Variants in GRM8 observed in about 807,000 individuals in gnomAD.
The protein encoded by GRM8 is glutamate metabotropic receptor 8.
Under a neutral mutation model 87.2 loss-of-function variants are expected in GRM8, and 47 were observed. The observed-to-expected ratio is 0.54, with a 90% confidence interval of 0.43 to 0.69. The LOEUF is 0.69. Ranked by LOEUF, GRM8 falls within the 30% of genes least tolerant of loss-of-function variation. The pLI is 0.00. For synonymous variants in GRM8, 396 were observed against 404.5 expected (o/e 0.98, Z 0.25); for missense variants, 1,019 against 1,139.2 (o/e 0.89, Z 1.52).
intron 7 of GRM8, among the ~76,000 whole-genome samples, chr7:126,743,515 C>T (rs942963934): frequency 1.3e-5 from 2 of 152,020 alleles, no homozygotes; most frequent in Admixed American, 6.6e-5. Context: ...AAAGAATATG[C>T]ACCTGGAGCG....
At chr7:126,932,566 C>T (rs1050932895) in intron 3 of GRM8, among the ~76,000 whole-genome samples, 3 of 152,094 alleles carry the variant, frequency 2.0e-5, no homozygotes, top group Non-Finnish European at 4.4e-5. Flanking sequence ...CACTATCTTG[C>T]TAGAGAAAAT....
chr7:126,444,075 A>T (rs1182846793), intron 10 of GRM8, among the ~76,000 whole-genome samples: 4 of 151,868 alleles, frequency 2.6e-5, no homozygotes, highest in African/African-American at 9.7e-5. Flanking sequence ...ATTGCTGCTA[A>T]AAAAGAAAAA....
chr7:126,704,939 A>G (rs1357201665), intron 7 of GRM8, among the ~76,000 whole-genome samples: 1 of 151,960 alleles, frequency 6.6e-6, no homozygotes, highest in Admixed American at 6.6e-5. Context: ...GAAGTACGTG[A>G]TCTCTGTGAC....
chr7:127,089,087 C>T (rs1021991495), intron 3 of GRM8, among the ~76,000 whole-genome samples: 1 of 152,192 alleles, frequency 6.6e-6, no homozygotes, highest in African/African-American at 2.4e-5. Context: ...GCAAACATAA[C>T]TGCAGTAGGG....
At chr7:126,714,136 G>A (rs144642683) in intron 7 of GRM8, among the ~76,000 whole-genome samples, 2,738 of 151,116 alleles carry the variant, frequency 0.018, 72 homozygotes, top group African/African-American at 0.063. Flanking sequence ...AAATTAGCTG[G>A]GTGTGGTGAT....
intron 9 of GRM8, among the ~76,000 whole-genome samples, chr7:126,483,646 C>T (rs1806993416): frequency 6.6e-6 from 1 of 151,264 alleles, no homozygotes; most frequent in Non-Finnish European, 1.5e-5. Context: ...TTCCAAAACA[C>T]TTATAACTAG....
At chr7:126,683,873 G>C (rs1585508950) in intron 7 of GRM8, among the ~76,000 whole-genome samples, 2 of 152,278 alleles carry the variant, frequency 1.3e-5, no homozygotes, top group African/African-American at 4.8e-5. Context: ...AGGAGAGAAT[G>C]AATTTGGACT....
chr7:126,976,881 G>C (rs1045002541), intron 3 of GRM8, among the ~76,000 whole-genome samples: 1 of 147,006 alleles, frequency 6.8e-6, no homozygotes, highest in Non-Finnish European at 1.5e-5. Flanking sequence ...ATGACAGGGG[G>C]TTGGGGTTTT....
At chr7:127,077,579 A>G (rs1822413877) in intron 3 of GRM8, among the ~76,000 whole-genome samples, 1 of 152,184 alleles carries the variant, frequency 6.6e-6, no homozygotes, top group Admixed American at 6.5e-5. Flanking sequence ...AAAACAAAAT[A>G]AAAACCACCC....
chr7:127,084,223 T>C (rs546233485), intron 3 of GRM8: 1 of 152,334 alleles, frequency 6.6e-6, no homozygotes, highest in Non-Finnish European at 1.5e-5. Context: ...TCTCAACCTC[T>C]AAACAGAGTT....
chr7:127,060,723 T>C (rs1312338552), intron 3 of GRM8, among the ~76,000 whole-genome samples: 1 of 152,128 alleles, frequency 6.6e-6, no homozygotes. Context: ...AATAGCAACA[T>C]GAGAAATTCC....
chr7:126,600,892 G>A (rs1797673661), intron 8 of GRM8, among the ~76,000 whole-genome samples: 2 of 151,918 alleles, frequency 1.3e-5, no homozygotes, highest in Non-Finnish European at 2.9e-5. Flanking sequence ...ACAGAACAAA[G>A]TATTTTCATA....
chr7:126,713,479 A>G (rs1188350326), intron 7 of GRM8, among the ~76,000 whole-genome samples: 1 of 152,140 alleles, frequency 6.6e-6, no homozygotes, highest in Non-Finnish European at 1.5e-5. Context: ...GAGCATTAGG[A>G]CAAACACCTA....
chr7:126,768,394 C>CA (rs1818448793), intron 7 of GRM8, among the ~76,000 whole-genome samples: 1 of 106,318 alleles, frequency 9.4e-6, no homozygotes, highest in African/African-American at 3.6e-5. Context: ...GGACAGAACT[C>CA]AAAGATTATT....
At chr7:126,891,930 C>A (rs972971667) in intron 6 of GRM8, among the ~76,000 whole-genome samples, 1 of 147,476 alleles carries the variant, frequency 6.8e-6, no homozygotes, top group African/African-American at 2.5e-5. Context: ...TTTAAGGAAG[C>A]CTATTTGTGC....
At position 127,156,633 on chromosome 7, in the gene GRM8, T is replaced by A. The variant is rs571178208; in HGVS notation, c.511-49921A>T. Among the ~76,000 whole-genome samples, 94 of 152,248 alleles carry A rather than the reference T, an allele frequency of 6.2e-4. No individual in the cohort carries two copies. The South Asian group carries it at 0.016, about 26-fold the overall frequency. Reference sequence around the variant, plus strand: ...ATCTGGCTCTGGCTCTTCCTCTATATGACTGATACCTGAAGCAGACAAAGT... The same window carrying A: ...ATCTGGCTCTGGCTCTTCCTCTATAAGACTGATACCTGAAGCAGACAAAGT... On this transcript the variant is annotated intron_variant, in intron 2 of 10. Transcript: ENST00000339582.
chr7:126,789,254 A>T (rs1342330974), intron 6 of GRM8, among the ~76,000 whole-genome samples: 1 of 152,166 alleles, frequency 6.6e-6, no homozygotes, highest in African/African-American at 2.4e-5. Context: ...ACACACAATG[A>T]AGCACAATAC....
intron 3 of GRM8, among the ~76,000 whole-genome samples, chr7:127,024,494 C>A (rs1273962898): frequency 6.6e-6 from 1 of 152,004 alleles, no homozygotes; most frequent in Admixed American, 6.6e-5. Context: ...AACTGGGTCT[C>A]CCTGTTTCCA....
At chr7:126,524,831 C>A (rs187654081) in intron 9 of GRM8, among the ~76,000 whole-genome samples, 98 of 152,176 alleles carry the variant, frequency 6.4e-4, no homozygotes, top group Non-Finnish European at 1.1e-3. Flanking sequence ...TATGCTTATT[C>A]CCTGACTGAT....
Sources: gnomAD v4.1 joint callset for allele counts (sites outside exome capture counted in the v4.1 genomes callset) on GRCh38, gnomAD v4.1.1 for gene constraint, MANE v1.5 for transcripts, NCBI Gene and HGNC (gene_info 2026-07-23, HGNC 2026-07-21) for gene names.